DZIP1: variants seen among roughly 807,000 people sequenced by gnomAD.
DZIP1 encodes cilium assembly protein DZIP1.
A neutral mutation model predicts 107.6 loss-of-function variants in DZIP1; 97 were observed. The observed-to-expected ratio is 0.90, with a 90% CI of 0.77 to 1.07. DZIP1 has a LOEUF of 1.07. DZIP1 is among the 50% of genes least tolerant of loss of function. The probability of loss-of-function intolerance (pLI) is 0.00; values close to 1 mark genes in which losing one functional copy is unlikely to be tolerated. For missense variants in DZIP1, 1,035 were observed against 1,063.6 expected (o/e 0.97, Z 0.37); for synonymous variants, 390 against 386.4 (o/e 1.01, Z -0.11).
intron 5 of DZIP1, among the ~76,000 whole-genome samples, chr13:95,633,543 G>A (rs1877448753): frequency 6.6e-6 from 1 of 151,600 alleles, no homozygotes; most frequent in Non-Finnish European, 1.5e-5. Flanking sequence ...ATTAGGTATA[G>A]TGGCATGTGC....
intron 21 of DZIP1, 59 bp downstream of exon 21, chr13:95,585,947 C>T: frequency 1.3e-6 from 2 of 1,510,168 alleles, no homozygotes; most frequent in African/African-American, 1.4e-5. Context: ...AAAGTGTGAC[C>T]ATTAAGGTGC....
chr13:95,621,973 G>C (rs1875925536), intron 9 of DZIP1, among the ~76,000 whole-genome samples: 1 of 152,046 alleles, frequency 6.6e-6, no homozygotes, highest in Non-Finnish European at 1.5e-5. Context: ...TAAAAATACA[G>C]TTAGCAGTAT....
In DZIP1 at chr13:95,642,124, T is replaced by C. The variant is rs552551311; in HGVS notation, c.-95A>G. The C allele has an allele frequency of 1.4e-6, 2 of 1,391,376 alleles. No homozygotes were observed. Among genetic ancestry groups the C allele is most frequent in the Non-Finnish European group, 1.9e-6 (2 of 1,071,142 alleles). 86.2% of individuals were successfully genotyped at this position (1,391,376 alleles called of 1,614,324 possible). On this transcript the variant is annotated 5_prime_UTR_variant, in exon 4 of 23. Transcript: ENST00000376829. ...GCGGGAGAAGGCCGGGTTCCTCGCT[T>C]CCGCGGCGGCGGCGGCCTAAGGTCT... is the stretch of plus-strand genomic sequence containing the variant.
intron 9 of DZIP1, among the ~76,000 whole-genome samples, chr13:95,621,149 G>A (rs1875792196): frequency 6.6e-6 from 1 of 152,154 alleles, no homozygotes; most frequent in Non-Finnish European, 1.5e-5. Flanking sequence ...CCCCCTGGCT[G>A]AATACTAAAG....
chr13:95,617,853 G>GA lies in DZIP1; in HGVS notation c.1173+2031dup, dbSNP rs1875322630. 3 of 515,066 alleles carry GA rather than the reference G, an allele frequency of 5.8e-6. No homozygotes were observed. The Admixed American group carries it at 5.8e-5, about 10-fold the overall frequency. The allele number at this position is 515,066 out of a possible 1,614,324, so 31.9% of individuals were successfully genotyped here. On this transcript the variant is annotated intron_variant, in intron 10 of 22. Transcript: ENST00000376829. The stretch of plus-strand genomic sequence containing the variant: ...AGGCTTAGTTAATGCAGGGCAACAG[G>GA]AAAGTACAGAAGAACTGGTTCCATA...
rs767788184 is a variant in DZIP1 at position 95,641,809 on chromosome 13, C to T, written c.83G>A (p.Gly28Glu). 5.4e-6 allele frequency: 8 copies of T among 1,479,448 alleles called. No homozygotes were observed. The highest frequency in any genetic ancestry group is 7.1e-6 in the Non-Finnish European group (8 of 1,124,894). 91.6% of individuals were successfully genotyped at this position (1,479,448 alleles called of 1,614,324 possible). A position where few individuals can be genotyped will look rare whatever the true frequency, so the allele number is the denominator to read the frequency against. Residue 28 changes from glycine (G) to glutamate (E), a missense_variant, in exon 5 of 23, where the codon GGG becomes GAG. Physicochemically the swap from Gly to Glu is moderately conservative, Grantham distance 98. Transcript: ENST00000376829. The surrounding 1 kb of genome is among the most constrained non-coding windows in gnomAD (Gnocchi z 4.3). ...GGCGGCGGCCACAGCGACGTCGGGC[C>T]CCTCTGGGCCGCTGGCGAGCGGGTA... ...VYYPLASGPEGPDVAVAAAAA... is the reference protein window; with the variant it reads ...VYYPLASGPEEPDVAVAAAAA...
intron 15 of DZIP1, among the ~76,000 whole-genome samples, chr13:95,597,320 T>C (rs2044484279): frequency 6.6e-6 from 1 of 152,204 alleles, no homozygotes. Flanking sequence ...ACGCGACGTT[T>C]TCTATGAACC....
In DZIP1 at chr13:95,590,261, A is replaced by T; in HGVS notation, c.1843+18T>A. The T allele has an allele frequency of 6.4e-7, 1 of 1,567,222 alleles. No individual in the cohort carries two copies. Among genetic ancestry groups the T allele is most frequent in the Non-Finnish European group, 8.6e-7 (1 of 1,161,424 alleles). ...GTTGTTAAATTAAGCTCCCATTTGC[A>T]GTGGGTAACAAGCTTACCTGAAGAG... On this transcript the variant is annotated intron_variant, in intron 17 of 22. Coordinates refer to ENST00000376829, the MANE Select transcript of DZIP1 (RefSeq NM_198968.4).
At chr13:95,622,610 G>A (rs1226688796) in intron 8 of DZIP1, 130 bp from the exon 9 acceptor site, 1 of 990,348 alleles carries the variant, frequency 1.0e-6, no homozygotes, top group East Asian at 2.4e-5. Context: ...GACGCTCTTG[G>A]ACGCTTCTCC....
chr13:95,595,019 G>C (rs1193382625), intron 15 of DZIP1, among the ~76,000 whole-genome samples: 2 of 152,188 alleles, frequency 1.3e-5, no homozygotes, highest in Non-Finnish European at 2.9e-5. Flanking sequence ...CTTACTGACT[G>C]TCAAAAGCCT....
intron 19 of DZIP1, 100 bp downstream of exon 19, chr13:95,589,054 C>T (rs776748148): frequency 7.0e-5 from 64 of 908,152 alleles, no homozygotes; most frequent in Middle Eastern, 4.8e-4. Context: ...TAAATAATTA[C>T]GGCTTCATTC....
chr13:95,641,407 A>G lies in DZIP1; in HGVS notation c.485T>C (p.Leu162Pro), dbSNP rs1025744170. The G allele has an allele frequency of 1.2e-6, 2 of 1,613,988 alleles. No individual in the cohort carries two copies. The highest frequency in any genetic ancestry group is 3.3e-5 in the Admixed American group (2 of 60,000). ...GATCTCCCCCGCCTGCTTGGTGAGCAGCTTCTTGCTCTGCTCGCCGTCGCA... is the reference window on the plus strand; with the variant it reads ...GATCTCCCCCGCCTGCTTGGTGAGCGGCTTCTTGCTCTGCTCGCCGTCGCA... ...SHCDGEQSKK[L>P]LTKQAGEIKT... Residue 162 changes from leucine (L) to proline (P), a missense_variant, in exon 5 of 23, where the codon CTG (leucine) becomes CCG (proline). By Grantham distance (98) the Leu-to-Pro change is moderately conservative (BLOSUM62 -3). Coordinates refer to ENST00000376829, the MANE Select transcript of DZIP1 (RefSeq NM_198968.4). This position sits in a 1 kb window ranked among gnomAD's most constrained non-coding sequence, Gnocchi z 4.3.
chr13:95,610,205 G>T (rs970586447), intron 12 of DZIP1, among the ~76,000 whole-genome samples: 2 of 151,948 alleles, frequency 1.3e-5, no homozygotes, highest in Non-Finnish European at 2.9e-5. Context: ...TCAGTAGGTT[G>T]TGCATATTCC....
intron 9 of DZIP1, among the ~76,000 whole-genome samples, chr13:95,621,130 G>A (rs1027456486): frequency 6.7e-6 from 1 of 149,924 alleles, no homozygotes; most frequent in East Asian, 2.0e-4. Flanking sequence ...TTCTGAAAGC[G>A]GTACCTGCCC....
In DZIP1 at chr13:95,639,024, G is replaced by A. The variant is rs1594746033; in HGVS notation, c.597+2271C>T. On this transcript the variant is annotated intron_variant, in intron 5 of 22. Coordinates refer to ENST00000376829, the MANE Select transcript of DZIP1 (RefSeq NM_198968.4). ...TTTAGTATTTGTCATGCCACAAAAC[G>A]TTTTTCCCTCATTCCCAGGTATTAG... 2.6e-5 allele frequency among the ~76,000 whole-genome samples: 4 copies of A among 152,244 alleles called. 1 individual carries two copies. Among genetic ancestry groups the A allele is most frequent in the South Asian group, 4.1e-4 (2 of 4,826 alleles).
chr13:95,583,749 T>C (rs2138734163), intron 22 of DZIP1, among the ~76,000 whole-genome samples: 1 of 152,172 alleles, frequency 6.6e-6, no homozygotes, highest in East Asian at 1.9e-4. Context: ...AGAAGAGTGG[T>C]CTCATTCAGG....
chr13:95,624,834 T>C lies in DZIP1; in HGVS notation c.906A>G (p.Glu302=), dbSNP rs550721493. The C allele has an allele frequency of 1.3e-5, 21 of 1,612,114 alleles. No individual in the cohort carries two copies. The African/African-American group carries it at 2.8e-4, about 21-fold the overall frequency. The change falls in exon 8 of 23, where the codon GAA becomes GAG. Residue 302 remains glutamate (E), a synonymous_variant. Coordinates refer to ENST00000376829, the MANE Select transcript of DZIP1 (RefSeq NM_198968.4). ...CCTTCATAAACATCTCCTTGACTTTTTCCATTTCATCAACTAGTTTCTCCT... is the reference window on the plus strand; with the variant it reads ...CCTTCATAAACATCTCCTTGACTTTCTCCATTTCATCAACTAGTTTCTCCT... The part of the protein sequence containing the change: ...EEKEKLVDEM[E]KVKEMFMKEF...
In DZIP1 at chr13:95,587,571, A is replaced by C. The variant is rs1303475389; in HGVS notation, c.2186T>G (p.Ile729Ser). The change falls in exon 20 of 23, where the codon ATC becomes AGC. Residue 729 changes from isoleucine to serine, a missense_variant. Physicochemically the swap from Ile to Ser is moderately radical, Grantham distance 142. Coordinates refer to ENST00000376829, the MANE Select transcript of DZIP1 (RefSeq NM_198968.4). Reference protein sequence around the residue: ...SDADGTEGSEIEDTDDSPKPA... With the variant: ...SDADGTEGSESEDTDDSPKPA... ...CTTGGGAGAATCATCAGTGTCCTCG[A>C]TTTCGCTTCCCTCGGTCCCGTCCGC... 3 of 1,613,840 alleles carry C rather than the reference A, an allele frequency of 1.9e-6. No individual in the cohort carries two copies. The African/African-American group carries it at 4.0e-5, about 22-fold the overall frequency.
At position 95,578,769 on chromosome 13, in the gene DZIP1, C is replaced by A. The variant is rs985167368; in HGVS notation, c.*3465G>T. ...GTGAATATTTAGTTGTTTTCATAAA[C>A]GATGCTGTGATGAAGACTCATGTAC... On this transcript the variant is annotated 3_prime_UTR_variant, in exon 23 of 23. Transcript: ENST00000376829. 7 of 152,184 alleles carry A rather than the reference C, an allele frequency of 4.6e-5. No homozygotes were observed. The highest frequency in any genetic ancestry group is 4.6e-4 in the Admixed American group (7 of 15,278). The allele number at this position is 152,184 out of a possible 1,614,324, so 9.4% of individuals were successfully genotyped here. A position where few individuals can be genotyped will look rare whatever the true frequency, so the allele number is the denominator to read the frequency against.
Sources: gnomAD v4.1 joint callset for allele counts (sites outside exome capture counted in the v4.1 genomes callset) on GRCh38, gnomAD v4.1.1 for gene constraint, Gnocchi (gnomAD v3.1) non-coding constraint, MANE v1.5 for transcripts, NCBI Gene and HGNC (gene_info 2026-07-23, HGNC 2026-07-21) for gene names.